ZFHX3: variants seen among roughly 807,000 people sequenced by gnomAD.
ZFHX3 encodes the protein zinc finger homeobox protein 3.
Under a neutral mutation model 279.1 loss-of-function variants are expected in ZFHX3, and 42 were observed. That is an observed-to-expected ratio of 0.15 (90% CI 0.12 to 0.19). The LOEUF (loss-of-function observed/expected upper bound fraction) is 0.19, where lower values mean the gene tolerates loss of function less well. ZFHX3 is among the 10% of genes least tolerant of loss of function. ZFHX3 has a pLI of 1.00. For missense variants in ZFHX3, 4,981 were observed against 4,754.0 expected, an observed-to-expected ratio of 1.05 and a Z score of -1.40; for synonymous variants, 2,293 against 1,957.8, an observed-to-expected ratio of 1.17 and a Z score of -4.52.
chr16:73,670,914 C>A (rs1326753849), intron 2 of ZFHX3, among the ~76,000 whole-genome samples: 2 of 152,138 alleles, frequency 1.3e-5, no homozygotes, highest in Non-Finnish European at 2.9e-5. Context: ...GTTTAGATAA[C>A]CCGATGTGCA....
At chr16:73,716,001 T>C (rs975671323) in intron 1 of ZFHX3, among the ~76,000 whole-genome samples, 11 of 152,190 alleles carry the variant, frequency 7.2e-5, no homozygotes, top group Non-Finnish European at 5.9e-5. Context: ...AGGTGCTCCA[T>C]TTCCCTAACC....
At chr16:72,843,192 G>A (rs1048184819) in intron 4 of ZFHX3, among the ~76,000 whole-genome samples, 1 of 152,054 alleles carries the variant, frequency 6.6e-6, no homozygotes, top group Non-Finnish European at 1.5e-5. Context: ...GGAGACCAGG[G>A]ATTGGAGCAG....
At chr16:73,881,129 A>C (rs2030132389) in intron 1 of ZFHX3, among the ~76,000 whole-genome samples, 1 of 152,146 alleles carries the variant, frequency 6.6e-6, no homozygotes, top group Non-Finnish European at 1.5e-5. Flanking sequence ...GCTGGACCAC[A>C]CATACTCACT....
chr16:73,489,355 A>G (rs2019022930), intron 2 of ZFHX3, among the ~76,000 whole-genome samples: 1 of 152,354 alleles, frequency 6.6e-6, no homozygotes, highest in African/African-American at 2.4e-5. Context: ...ACGTTCATTA[A>G]AAAGATCATT....
chr16:73,170,223 G>GTTATTTTTTTTTTTTTTT (rs1967487339), intron 5 of ZFHX3, among the ~76,000 whole-genome samples: 1 of 57,718 alleles, frequency 1.7e-5, no homozygotes, highest in Non-Finnish European at 2.9e-5. Context: ...CCTTTCACTA[G>GTTATTTTTTTTTTTTTTT]TTTTTTTTTT....
chr16:73,782,346 G>T (rs915031987), intron 1 of ZFHX3, among the ~76,000 whole-genome samples: 1 of 152,172 alleles, frequency 6.6e-6, no homozygotes, highest in Non-Finnish European at 1.5e-5. Flanking sequence ...TCTGTCAAAA[G>T]TTACAGACTT....
intron 3 of ZFHX3, among the ~76,000 whole-genome samples, chr16:73,359,244 T>C (rs2016395954): frequency 6.6e-6 from 1 of 151,378 alleles, no homozygotes; most frequent in South Asian, 2.1e-4. Flanking sequence ...ACAGTGAAGA[T>C]TTACCTAGGC....
chr16:73,480,517 G>T lies in ZFHX3; in HGVS notation c.-1546-24259C>A, dbSNP rs927361970. Among the ~76,000 whole-genome samples the T allele has an allele frequency of 4.6e-5, 7 of 152,206 alleles. No homozygotes were observed. In the East Asian group the frequency reaches 1.3e-3, roughly 29 times the overall value. ...GTTCCTGGGTGGTAAGTCTCTGGGA[G>T]TCACTCTGCTTTTCTCCCCAGGTGT... On this transcript the variant is annotated intron_variant, in intron 2 of 17. Coordinates refer to the ZFHX3 transcript ENST00000641206.
At chr16:73,089,216 G>T (rs1966043781) in intron 8 of ZFHX3, among the ~76,000 whole-genome samples, 1 of 152,080 alleles carries the variant, frequency 6.6e-6, no homozygotes, top group South Asian at 2.1e-4. Flanking sequence ...CAATTCTCCT[G>T]CTTCAGCCTC....
chr16:73,319,685 A>T lies in ZFHX3; in HGVS notation c.-1290-1349T>A, dbSNP rs1386052466. On this transcript the variant is annotated intron_variant, in intron 3 of 17. Transcript: ENST00000641206. ...AAGTCCTCATCAAGTTGGCTTTGAA[A>T]GTAAGTCTAGTGCCACACTGGCCTT... Among the ~76,000 whole-genome samples, 4 of 152,216 alleles carry T rather than the reference A, an allele frequency of 2.6e-5. No individual in the cohort carries two copies. The South Asian group carries it at 8.3e-4, about 32-fold the overall frequency.
chr16:73,585,623 C>T (rs1054738363), intron 2 of ZFHX3, among the ~76,000 whole-genome samples: 3 of 151,980 alleles, frequency 2.0e-5, no homozygotes, highest in African/African-American at 7.2e-5. Flanking sequence ...AAACAAAAAA[C>T]AGCAAAAACA....
At chr16:73,042,897 GA>G (rs1965167229) in intron 1 of ZFHX3, among the ~76,000 whole-genome samples, 1 of 151,832 alleles carries the variant, frequency 6.6e-6, no homozygotes, top group South Asian at 2.1e-4. Flanking sequence ...CACCAGTTAA[GA>G]AAGCCTTTAG....
At chr16:73,368,732 G>A (rs2016572363) in intron 3 of ZFHX3, among the ~76,000 whole-genome samples, 1 of 152,164 alleles carries the variant, frequency 6.6e-6, no homozygotes, top group Non-Finnish European at 1.5e-5. Context: ...ATTCTTGAGT[G>A]CAAAGGTTGT....
intron 4 of ZFHX3, among the ~76,000 whole-genome samples, chr16:72,883,026 GTGTGTGT>G (rs1382714014): frequency 3.1e-4 from 46 of 147,418 alleles, no homozygotes; most frequent in Admixed American, 2.8e-3. Context: ...GTGTGTGTGT[GTGTGTGT>G]GTGTGTGTGT....
chr16:73,821,358 T>C (rs1341689964), intron 1 of ZFHX3, among the ~76,000 whole-genome samples: 3 of 152,188 alleles, frequency 2.0e-5, no homozygotes, highest in Non-Finnish European at 4.4e-5. Flanking sequence ...CCATCTCTGA[T>C]GGAATTTCTA....
At chr16:73,511,940 A>G (rs1475406234) in intron 2 of ZFHX3, among the ~76,000 whole-genome samples, 2 of 152,112 alleles carry the variant, frequency 1.3e-5, no homozygotes, top group Non-Finnish European at 2.9e-5. Flanking sequence ...CAAATACCCA[A>G]CATGAGCCAG....
chr16:72,985,314 A>G (rs772510181), intron 1 of ZFHX3, among the ~76,000 whole-genome samples: 1 of 152,234 alleles, frequency 6.6e-6, no homozygotes, highest in Non-Finnish European at 1.5e-5. Flanking sequence ...ATGATCAACT[A>G]TGTAACTCCA....
chr16:73,865,368 A>G (rs1054614867), intron 1 of ZFHX3, among the ~76,000 whole-genome samples: 1 of 152,116 alleles, frequency 6.6e-6, no homozygotes, highest in African/African-American at 2.4e-5. Context: ...CATCAGAGAA[A>G]CTGGAAGACA....
At chr16:73,598,842 C>A (rs2052080473) in intron 2 of ZFHX3, among the ~76,000 whole-genome samples, 1 of 152,240 alleles carries the variant, frequency 6.6e-6, no homozygotes, top group African/African-American at 2.4e-5. Context: ...CCACTCACTG[C>A]AAACTCCGCC....
Sources: allele counts gnomAD v4.1 joint callset (sites outside exome capture counted in the v4.1 genomes callset), GRCh38; gene constraint gnomAD v4.1.1; transcripts MANE v1.5; gene names NCBI Gene and HGNC (gene_info 2026-07-23, HGNC 2026-07-21).